The following GALNT17 variants were observed in gnomAD, a reference collection of about 807,000 sequenced individuals.
GALNT17 encodes UDP-GalNAc:polypeptide N-acetylgalactosaminyltransferase-like 3.
GALNT17 carries 29 observed loss-of-function variants against 63.7 expected under a neutral mutation model. The observed-to-expected ratio is 0.46, with a 90% CI of 0.34 to 0.62. The LOEUF (loss-of-function observed/expected upper bound fraction) is 0.62, where lower values mean the gene tolerates loss of function less well. Ranked by LOEUF, GALNT17 falls within the 20% of genes least tolerant of loss-of-function variation. The pLI is 0.01. For synonymous variants in GALNT17, 305 were observed against 318.3 expected, an observed-to-expected ratio of 0.96 and a Z score of 0.45; for missense variants, 603 against 799.6, an observed-to-expected ratio of 0.75 and a Z score of 2.97.
At chr7:71,504,001 G>A (rs1166256979) in intron 5 of GALNT17, among the ~76,000 whole-genome samples, 1 of 152,080 alleles carries the variant, frequency 6.6e-6, no homozygotes, top group Non-Finnish European at 1.5e-5. Flanking sequence ...GGCCGAGGCG[G>A]GCGGATCATG....
chr7:71,465,613 C>A (rs555932736), intron 5 of GALNT17, among the ~76,000 whole-genome samples: 2 of 152,194 alleles, frequency 1.3e-5, no homozygotes, highest in African/African-American at 2.4e-5. Flanking sequence ...AGCCCGATCT[C>A]CTCCTACTGT....
At chr7:71,567,893 T>C (rs1487023785) in intron 5 of GALNT17, among the ~76,000 whole-genome samples, 1 of 152,198 alleles carries the variant, frequency 6.6e-6, no homozygotes. Context: ...AAGAGGCTCA[T>C]CCACTGCTGC....
At chr7:71,675,599 GAGTAC>G (rs113070151) in intron 8 of GALNT17, among the ~76,000 whole-genome samples, 2,836 of 152,074 alleles carry the variant, frequency 0.019, 72 homozygotes, top group African/African-American at 0.064. Flanking sequence ...CTCCAGCCTG[GAGTAC>G]AGAGCAAGAC....
chr7:71,450,220 C>CT (rs1211254549), intron 5 of GALNT17, among the ~76,000 whole-genome samples: 1 of 150,606 alleles, frequency 6.6e-6, no homozygotes, highest in Non-Finnish European at 1.5e-5. Context: ...ACCGCAAACT[C>CT]TGCCTCTCGG....
intron 1 of GALNT17, among the ~76,000 whole-genome samples, chr7:71,148,931 G>T: frequency 7.2e-6 from 1 of 138,088 alleles, no homozygotes; most frequent in South Asian, 2.4e-4. Context: ...ATTTGATTTT[G>T]TTGTTTTGTT....
At chr7:71,288,248 A>G (rs1202719928) in intron 1 of GALNT17, among the ~76,000 whole-genome samples, 1 of 150,996 alleles carries the variant, frequency 6.6e-6, no homozygotes, top group East Asian at 1.9e-4. Context: ...ATCCAAACGA[A>G]GAGAAAATCC....
intron 1 of GALNT17, among the ~76,000 whole-genome samples, chr7:71,146,221 C>T (rs1305878402): frequency 6.6e-6 from 1 of 151,942 alleles, no homozygotes; most frequent in Non-Finnish European, 1.5e-5. Context: ...TTTGTTCCTC[C>T]CCGGGTGCCA....
At chr7:71,440,768 G>A (rs966232067) in intron 5 of GALNT17, among the ~76,000 whole-genome samples, 9 of 152,214 alleles carry the variant, frequency 5.9e-5, no homozygotes, top group African/African-American at 1.2e-4. Flanking sequence ...AAAAGAAAAC[G>A]AAGATTATCA....
intron 1 of GALNT17, among the ~76,000 whole-genome samples, chr7:71,292,657 G>C (rs59579884): frequency 0.16 from 16,710 of 104,450 alleles, 1,384 homozygotes; most frequent in East Asian, 0.48. Flanking sequence ...GAGAGACAGA[G>C]AGAGAGAGAG....
chr7:71,141,679 CTTTTT>C (rs772422312), intron 1 of GALNT17, among the ~76,000 whole-genome samples: 1 of 139,422 alleles, frequency 7.2e-6, no homozygotes, highest in African/African-American at 2.6e-5. Flanking sequence ...TTCTTTCTTT[CTTTTT>C]TTTTTTTTTT....
At chr7:71,214,595 G>A (rs932080543) in intron 1 of GALNT17, among the ~76,000 whole-genome samples, 1 of 55,130 alleles carries the variant, frequency 1.8e-5, no homozygotes, top group African/African-American at 7.3e-5. Context: ...TTTTTTTTTT[G>A]ACATGGTGTC....
intron 9 of GALNT17, among the ~76,000 whole-genome samples, chr7:71,702,010 C>T: frequency 6.6e-6 from 1 of 150,688 alleles, no homozygotes; most frequent in East Asian, 2.0e-4. Flanking sequence ...TAGCTGGAGG[C>T]CATTATCCTA....
At chr7:71,424,571 A>C (rs903156797) in intron 5 of GALNT17, among the ~76,000 whole-genome samples, 2 of 152,250 alleles carry the variant, frequency 1.3e-5, no homozygotes, top group Non-Finnish European at 1.5e-5. Context: ...AGTCATGATC[A>C]TGAGTCATTA....
intron 6 of GALNT17, among the ~76,000 whole-genome samples, chr7:71,615,019 A>G (rs565217402): frequency 1.3e-5 from 2 of 152,260 alleles, no homozygotes; most frequent in South Asian, 2.1e-4. Context: ...CAAGAAGGAC[A>G]CGGATTACTG....
Position 71,275,534 on chromosome 7 carries a change from C to T in GALNT17, c.239-60016C>T, listed in dbSNP as rs549209111. 2.8e-4 allele frequency among the ~76,000 whole-genome samples: 42 copies of T among 152,322 alleles called. 1 individual carries two copies. In the South Asian group the frequency reaches 8.7e-3, roughly 32 times the overall value. On this transcript the variant is annotated intron_variant, in intron 1 of 10. Coordinates refer to ENST00000333538, the MANE Select transcript of GALNT17 (RefSeq NM_022479.3). ...TGCTGAAACCAGCTCTTGTGTGAGACCCACTGAGCTGCAGGGCTGTTAGGG... is the reference window on the plus strand; with the variant it reads ...TGCTGAAACCAGCTCTTGTGTGAGATCCACTGAGCTGCAGGGCTGTTAGGG...
chr7:71,298,625 C>A (rs1791127469), intron 1 of GALNT17, among the ~76,000 whole-genome samples: 1 of 151,732 alleles, frequency 6.6e-6, no homozygotes, highest in East Asian at 1.9e-4. Context: ...CTGGGCTTTT[C>A]TATTTCTAAG....
rs114724520 is a variant in GALNT17 at position 71,627,093 on chromosome 7, A to G, written c.1081-38318A>G. Reference sequence around the variant, plus strand: ...GGAATACAGTTTCATGGGTTGTCATAGGTCTTCTGCAAAAAATAAAGGAGT... The same window carrying G: ...GGAATACAGTTTCATGGGTTGTCATGGGTCTTCTGCAAAAAATAAAGGAGT... On this transcript the variant is annotated intron_variant, in intron 6 of 10. Transcript: ENST00000333538. 5.5e-3 allele frequency among the ~76,000 whole-genome samples: 833 copies of G among 152,324 alleles called. 16 individuals carry two copies. The highest frequency in any genetic ancestry group is 0.018 in the African/African-American group (768 of 41,574).
chr7:71,641,863 A>G (rs188418377), intron 6 of GALNT17, among the ~76,000 whole-genome samples: 1 of 152,130 alleles, frequency 6.6e-6, no homozygotes, highest in Admixed American at 6.5e-5. Context: ...GCTGCTGCTG[A>G]TGATGATGAT....
At chr7:71,319,427 C>G (rs1404218061) in intron 1 of GALNT17, among the ~76,000 whole-genome samples, 1 of 152,016 alleles carries the variant, frequency 6.6e-6, no homozygotes, top group East Asian at 1.9e-4. Flanking sequence ...TTTTCTGATT[C>G]TATCAGTTGG....
Sources: allele counts gnomAD v4.1 joint callset (sites outside exome capture counted in the v4.1 genomes callset), GRCh38; gene constraint gnomAD v4.1.1; transcripts MANE v1.5; gene names NCBI Gene and HGNC (gene_info 2026-07-23, HGNC 2026-07-21).